The following COL27A1 variants were observed in gnomAD, a reference collection of about 807,000 sequenced individuals.
COL27A1 encodes collagen type XXVII alpha 1 chain, also known as collagen alpha-1(XXVII) chain.
Under a neutral mutation model 251.3 loss-of-function variants are expected in COL27A1, and 106 were observed. The observed-to-expected ratio is 0.42, with a 90% CI of 0.36 to 0.50. The LOEUF (loss-of-function observed/expected upper bound fraction) is 0.50. Among genes scored for constraint, COL27A1 ranks in the 20% least tolerant of loss-of-function variants. COL27A1 has a pLI of 0.00. For synonymous variants in COL27A1, 1,000 were observed against 986.3 expected (o/e 1.01, Z -0.26); for missense variants, 2,325 against 2,522.8 (o/e 0.92, Z 1.68).
At chr9:114,224,648 C>CTTTTTTT (rs5900075) in intron 14 of COL27A1, among the ~76,000 whole-genome samples, 7 of 97,342 alleles carry the variant, frequency 7.2e-5, no homozygotes, top group Non-Finnish European at 1.3e-4. Flanking sequence ...CCTCCTGGTT[C>CTTTTTTT]TTTTTTTTTT....
chr9:114,159,142 G>A (rs964891440), intron 1 of COL27A1, among the ~76,000 whole-genome samples: 28 of 152,348 alleles, frequency 1.8e-4, no homozygotes, highest in Admixed American at 1.7e-3. Context: ...GAATACTTCT[G>A]TAATAGGCCT....
intron 14 of COL27A1, among the ~76,000 whole-genome samples, chr9:114,229,371 G>T (rs1210393355): frequency 6.6e-6 from 1 of 152,166 alleles, no homozygotes; most frequent in Admixed American, 6.5e-5. Flanking sequence ...CTCCTCGGGG[G>T]CATTCCATCA....
intron 39 of COL27A1, 103 bp downstream of exon 39, chr9:114,282,667 C>T (rs1835996818): frequency 1.4e-6 from 1 of 704,470 alleles, no homozygotes; most frequent in East Asian, 2.8e-5. Context: ...TCACCCACCC[C>T]AGCTATTAGC....
chr9:114,227,988 C>T (rs1831621155), intron 14 of COL27A1, among the ~76,000 whole-genome samples: 1 of 152,126 alleles, frequency 6.6e-6, no homozygotes, highest in Non-Finnish European at 1.5e-5. Flanking sequence ...GGGGACCTGT[C>T]CTATGCGAGC....
rs115993319 is a variant in COL27A1 at position 114,200,183 on chromosome 9, A to G, written c.2124+4171A>G. On this transcript the variant is annotated intron_variant, in intron 7 of 60. Coordinates refer to ENST00000356083, the MANE Select transcript of COL27A1 (RefSeq NM_032888.4). ...GTTCTGCCTGAGTGTGGCACCCCCA[A>G]TTCCATAGAGTTCCTCTCAAGAAAC... Among the ~76,000 whole-genome samples, 1,170 of 152,130 alleles carry G rather than the reference A, an allele frequency of 7.7e-3. 15 individuals carry two copies. Among genetic ancestry groups the G allele is most frequent in the African/African-American group, 0.025 (1,029 of 41,498 alleles).
rs537924336 is a variant in COL27A1 at position 114,234,526 on chromosome 9, G to A, written c.2566-1073G>A. 5.3e-5 allele frequency among the ~76,000 whole-genome samples: 8 copies of A among 152,194 alleles called. No individual in the cohort carries two copies. The South Asian group carries it at 8.3e-4, about 16-fold the overall frequency. ...GGAGGGCTGGATAGAGTGAGGCCAGGGCTGTGTGAGGTGGTTTCGGCCCTA... is the reference window on the plus strand; with the variant it reads ...GGAGGGCTGGATAGAGTGAGGCCAGAGCTGTGTGAGGTGGTTTCGGCCCTA... On this transcript the variant is annotated intron_variant, in intron 16 of 60. Coordinates refer to ENST00000356083, the MANE Select transcript of COL27A1 (RefSeq NM_032888.4).
chr9:114,280,209 A>T (rs1835816118), intron 37 of COL27A1, among the ~76,000 whole-genome samples: 1 of 146,914 alleles, frequency 6.8e-6, no homozygotes, highest in Non-Finnish European at 1.5e-5. Flanking sequence ...TCAACTTTTA[A>T]TTTTTTTTTT....
chr9:114,167,349 A>G (rs141111328), intron 2 of COL27A1, among the ~76,000 whole-genome samples: 87 of 152,338 alleles, frequency 5.7e-4, no homozygotes, highest in African/African-American at 1.7e-3. Context: ...GACTGTTACT[A>G]TCCCATTTAA....
intron 25 of COL27A1, 25 bp from the exon 26 acceptor site, chr9:114,252,568 G>T: frequency 6.2e-7 from 1 of 1,612,214 alleles, no homozygotes; most frequent in Non-Finnish European, 8.5e-7. Context: ...GCCGTGACCT[G>T]CCTGCATTGC....
intron 37 of COL27A1, among the ~76,000 whole-genome samples, chr9:114,279,943 T>C (rs1005936439): frequency 2.0e-5 from 3 of 152,154 alleles, no homozygotes; most frequent in Non-Finnish European, 4.4e-5. Flanking sequence ...AATATAAAAA[T>C]CATTAATAAG....
intron 25 of COL27A1, 121 bp downstream of exon 25, chr9:114,250,789 C>A: frequency 1.2e-6 from 1 of 817,868 alleles, no homozygotes; most frequent in Non-Finnish European, 2.0e-6. Flanking sequence ...CTCTCCTGAC[C>A]TGGCATTCTG....
At chr9:114,277,671 A>G (rs1421454725) in intron 37 of COL27A1, among the ~76,000 whole-genome samples, 1 of 152,202 alleles carries the variant, frequency 6.6e-6, no homozygotes, top group Non-Finnish European at 1.5e-5. Flanking sequence ...GGCTTGACTC[A>G]GTGGCGGGCT....
At position 114,219,860 on chromosome 9, in the gene COL27A1, C is replaced by A; in HGVS notation, c.2421+16C>A. 3 of 1,594,582 alleles carry A rather than the reference C, an allele frequency of 1.9e-6. No homozygotes were observed. The highest frequency in any genetic ancestry group is 2.6e-6 in the Non-Finnish European group (3 of 1,162,304). ...TGGAAATCCTGTGAGTATTTCAAGT[C>A]TTTGGGAACAGGAGCGAGATTCTGA... On this transcript the variant is annotated intron_variant, in intron 13 of 60. Transcript: ENST00000356083.
Position 114,306,513 on chromosome 9 carries a change from G to A in COL27A1, c.4939-7G>A, listed in dbSNP as rs369108345. 136 of 1,613,634 alleles carry A rather than the reference G, an allele frequency of 8.4e-5. No individual in the cohort carries two copies. Among genetic ancestry groups the A allele is most frequent in the African/African-American group, 3.7e-4 (28 of 74,912 alleles). ...AGGTCCCAATGACCACCCTCTCCTC[G>A]TGACAGAGTTACAGCTATCCAGACC... On this transcript the variant is annotated splice_polypyrimidine_tract_variant and splice_region_variant and intron_variant, in intron 57 of 60. Coordinates refer to ENST00000356083, the MANE Select transcript of COL27A1 (RefSeq NM_032888.4).
At chr9:114,194,860 G>C (rs1185356602) in intron 6 of COL27A1, among the ~76,000 whole-genome samples, 1 of 152,212 alleles carries the variant, frequency 6.6e-6, no homozygotes, top group Non-Finnish European at 1.5e-5. Flanking sequence ...CCTTTGCTGA[G>C]GTTAACTCCA....
chr9:114,198,342 A>T (rs917102365), intron 7 of COL27A1, among the ~76,000 whole-genome samples: 5 of 152,254 alleles, frequency 3.3e-5, no homozygotes, highest in Non-Finnish European at 7.3e-5. Context: ...AAGGTACACT[A>T]TAAGACAGAA....
At chr9:114,254,669 G>A (rs1335936975) in intron 27 of COL27A1, among the ~76,000 whole-genome samples, 2 of 152,180 alleles carry the variant, frequency 1.3e-5, no homozygotes, top group Non-Finnish European at 2.9e-5. Flanking sequence ...GAAGGGCCCT[G>A]AAGCCTTTCA....
intron 49 of COL27A1, among the ~76,000 whole-genome samples, chr9:114,298,616 G>C (rs1828406630): frequency 6.6e-6 from 1 of 152,132 alleles, no homozygotes; most frequent in Non-Finnish European, 1.5e-5. Context: ...AAGTAATTTG[G>C]ACCTCTGCTT....
intron 27 of COL27A1, among the ~76,000 whole-genome samples, chr9:114,257,660 CT>C (rs1834019437): frequency 1.3e-5 from 2 of 152,192 alleles, no homozygotes; most frequent in African/African-American, 4.8e-5. Context: ...ACCCACTTCT[CT>C]GCCTCTGCCT....
Sources: allele counts gnomAD v4.1 joint callset (sites outside exome capture counted in the v4.1 genomes callset), GRCh38; gene constraint gnomAD v4.1.1; transcripts MANE v1.5; gene names NCBI Gene and HGNC (gene_info 2026-07-23, HGNC 2026-07-21).